Variants in PLCG2 observed in about 807,000 individuals in gnomAD.
PLCG2 encodes the protein phospholipase C gamma 2.
Under a neutral mutation model 175.6 loss-of-function variants are expected in PLCG2, and 69 were observed. The observed-to-expected ratio is 0.39, with a 90% CI of 0.32 to 0.48. PLCG2 has a LOEUF of 0.48. PLCG2 is among the 20% of genes least tolerant of loss of function. PLCG2 has a pLI of 0.91. For synonymous variants in PLCG2, 827 were observed against 624.0 expected, an observed-to-expected ratio of 1.33 and a Z score of -4.85; for missense variants, 1,798 against 1,650.9, an observed-to-expected ratio of 1.09 and a Z score of -1.54.
chr16:81,927,248 C>A (rs1910313878), intron 23 of PLCG2, 70 bp downstream of exon 23: 8 of 1,024,090 alleles, frequency 7.8e-6, no homozygotes, highest in African/African-American at 3.2e-5. Context: ...GGGAGCTGTG[C>A]CATCTCAGTG....
At position 81,789,092 on chromosome 16, in the gene PLCG2, T is replaced by C. The variant is rs549831552; in HGVS notation, c.193+2910T>C. Among the ~76,000 whole-genome samples, 4 of 152,354 alleles carry C rather than the reference T, an allele frequency of 2.6e-5. No individual in the cohort carries two copies. The South Asian group carries it at 8.3e-4, about 32-fold the overall frequency. ...TATACACCTGTGTAACAAACCTGCA[T>C]GCTCTTCACATGTATCCCGGAACTT... is the stretch of plus-strand genomic sequence containing the variant. On this transcript the variant is annotated intron_variant, in intron 2 of 32. Transcript: ENST00000564138.
At position 81,937,740 on chromosome 16, in the gene PLCG2, G is replaced by T. The variant is rs530156886; in HGVS notation, c.3053-18G>T. 2.3e-5 allele frequency: 37 copies of T among 1,610,630 alleles called. No homozygotes were observed. In the South Asian group the frequency reaches 3.7e-4, roughly 16 times the overall value. ...TGCTCATGCCTGACTTACAGCAGGC[G>T]TTCACTTTCCTTCCCAGATAAGTAC... On this transcript the variant is annotated intron_variant, in intron 27 of 32. Coordinates refer to ENST00000564138, the MANE Select transcript of PLCG2 (RefSeq NM_002661.5).
chr16:81,870,768 A>AGT, intron 6 of PLCG2, 84 bp from the exon 7 acceptor site: 1 of 672,212 alleles, frequency 1.5e-6, no homozygotes, highest in South Asian at 1.9e-5. Flanking sequence ...CCATTTCTGA[A>AGT]ACAAAAATTA....
intron 1 of PLCG2, among the ~76,000 whole-genome samples, chr16:81,750,900 C>T (rs902205429): frequency 1.3e-5 from 2 of 150,194 alleles, no homozygotes; most frequent in Non-Finnish European, 1.5e-5. Flanking sequence ...GTCTCGATCT[C>T]CTGACCTCAA....
At position 81,857,243 on chromosome 16, in the gene PLCG2, G is replaced by A. The variant is rs548717017; in HGVS notation, c.338-1020G>A. 1.1e-4 allele frequency among the ~76,000 whole-genome samples: 16 copies of A among 152,290 alleles called. No individual in the cohort carries two copies. The East Asian group carries it at 2.9e-3, about 28-fold the overall frequency. ...ACTTTAGGGTGGGACCTAAGTATTG[G>A]GGTTTTGAAAAGCCTTCAAGTGATT... On this transcript the variant is annotated intron_variant, in intron 3 of 32. Coordinates refer to ENST00000564138, the MANE Select transcript of PLCG2 (RefSeq NM_002661.5).
intron 19 of PLCG2, among the ~76,000 whole-genome samples, chr16:81,913,971 C>T (rs918570515): frequency 4.1e-4 from 63 of 152,370 alleles, no homozygotes; most frequent in African/African-American, 1.5e-3. Flanking sequence ...ACCAGCATGG[C>T]TTTTCTGTAC....
chr16:81,851,446 C>T (rs572508852), intron 2 of PLCG2, among the ~76,000 whole-genome samples: 2 of 152,260 alleles, frequency 1.3e-5, no homozygotes, highest in East Asian at 3.9e-4. Context: ...GGTATGTCTA[C>T]CACCGTACAT....
chr16:81,956,033 A>G (rs1911553827), intron 31 of PLCG2, among the ~76,000 whole-genome samples: 1 of 152,200 alleles, frequency 6.6e-6, no homozygotes, highest in African/African-American at 2.4e-5. Context: ...CCCAAAAAGA[A>G]ACCTCACGCT....
At chr16:81,812,866 G>A (rs1158800685) in intron 2 of PLCG2, among the ~76,000 whole-genome samples, 3 of 152,118 alleles carry the variant, frequency 2.0e-5, no homozygotes, top group Non-Finnish European at 4.4e-5. Flanking sequence ...GTGTAAGGAA[G>A]GGGTCCAGTT....
In PLCG2 at chr16:81,908,577, C is replaced by T; in HGVS notation, c.1719C>T (p.Tyr573=). Residue 573 remains tyrosine (Y), a synonymous_variant, in exon 17 of 33, where the codon TAC becomes TAT. Transcript: ENST00000564138. ...VRESETFPND[Y]TLSFWRSGRV... is the part of the protein sequence containing the mutation. ...AGAGCGAGACCTTCCCCAATGACTA[C>T]ACCCTGTCCTTCTGGTAATGCCCCC... 6.2e-7 allele frequency: 1 copy of T among 1,609,848 alleles called. No homozygotes were observed. The highest frequency in any genetic ancestry group is 1.1e-5 in the South Asian group (1 of 90,644).
intron 2 of PLCG2, among the ~76,000 whole-genome samples, chr16:81,811,982 A>T (rs534360627): frequency 6.7e-6 from 1 of 149,886 alleles, no homozygotes; most frequent in African/African-American, 2.5e-5. Context: ...TTACACTCCT[A>T]CCAACAGTGT....
intron 7 of PLCG2, among the ~76,000 whole-genome samples, chr16:81,873,966 CAG>C (rs1567509835): frequency 6.6e-6 from 1 of 152,104 alleles, no homozygotes; most frequent in Non-Finnish European, 1.5e-5. Context: ...AAATTGGAAT[CAG>C]AGTTTTACAA....
intron 2 of PLCG2, among the ~76,000 whole-genome samples, chr16:81,821,620 G>A (rs891776750): frequency 6.6e-6 from 1 of 152,092 alleles, no homozygotes; most frequent in Admixed American, 6.5e-5. Context: ...GCCAGGCTTG[G>A]TCTTGCTGGG....
chr16:81,938,735 C>T (rs1910817050), intron 28 of PLCG2, 66 bp from the exon 29 acceptor site: 1 of 904,488 alleles, frequency 1.1e-6, no homozygotes, highest in Non-Finnish European at 1.8e-6. Context: ...AACCCAGCTG[C>T]AATCCACGCT....
At chr16:81,860,410 T>C (rs1906923143) in intron 5 of PLCG2, among the ~76,000 whole-genome samples, 1 of 152,078 alleles carries the variant, frequency 6.6e-6, no homozygotes, top group South Asian at 2.1e-4. Context: ...GGGTAAATTC[T>C]CAGAAACGAA....
At chr16:81,926,481 GTGT>G (rs1910280698) in intron 22 of PLCG2, among the ~76,000 whole-genome samples, 2 of 152,232 alleles carry the variant, frequency 1.3e-5, no homozygotes, top group African/African-American at 2.4e-5. Flanking sequence ...CGTGTTGTTA[GTGT>G]TGTTATAAAG....
At chr16:81,870,568 T>C (rs1222800946) in intron 6 of PLCG2, among the ~76,000 whole-genome samples, 1 of 152,180 alleles carries the variant, frequency 6.6e-6, no homozygotes. Context: ...GGTGTCTCTG[T>C]GAGTATGTTT....
At position 81,959,792 on chromosome 16, in the gene PLCG2, G is replaced by A; in HGVS notation, c.*1794G>A. 1 of 185,146 alleles carries A rather than the reference G, an allele frequency of 5.4e-6. No individual in the cohort carries two copies. The highest frequency in any genetic ancestry group is 1.1e-5 in the Non-Finnish European group (1 of 87,426). The allele number at this position is 185,146 out of a possible 1,614,324, so 11.5% of individuals were successfully genotyped here. On this transcript the variant is annotated 3_prime_UTR_variant, in exon 33 of 33. Coordinates refer to ENST00000564138, the MANE Select transcript of PLCG2 (RefSeq NM_002661.5). Reference sequence around the variant, plus strand: ...AGGTAGCCACCAGAACCTATTTATTGCACCTGGCATCTCCCCCAACCCCTC... The same window carrying A: ...AGGTAGCCACCAGAACCTATTTATTACACCTGGCATCTCCCCCAACCCCTC...
At chr16:81,762,891 C>G (rs1307059161) in intron 2 of PLCG2, among the ~76,000 whole-genome samples, 1 of 152,114 alleles carries the variant, frequency 6.6e-6, no homozygotes. Flanking sequence ...AACCTCACCT[C>G]TACAAACAAA....
Sources: gnomAD v4.1 joint callset for allele counts (sites outside exome capture counted in the v4.1 genomes callset) on GRCh38, gnomAD v4.1.1 for gene constraint, MANE v1.5 for transcripts, NCBI Gene and HGNC (gene_info 2026-07-23, HGNC 2026-07-21) for gene names.